The following ZNF536 variants were observed in gnomAD, a reference collection of about 807,000 sequenced individuals.
The protein encoded by ZNF536 is zinc finger protein 536.
In ZNF536, 13 loss-of-function variants were observed where a neutral mutation model predicts 84.5. That is an observed-to-expected ratio of 0.15 (90% CI 0.10 to 0.24). ZNF536 has a LOEUF of 0.24. Ranked by LOEUF, ZNF536 falls within the 10% of genes least tolerant of loss-of-function variation. ZNF536 has a pLI of 1.00. For synonymous variants in ZNF536, 811 were observed against 742.5 expected (o/e 1.09, Z -1.50); for missense variants, 1,536 against 1,747.5 (o/e 0.88, Z 2.16).
intron 1 of ZNF536, among the ~76,000 whole-genome samples, chr19:30,420,197 GAATT>G (rs2050894990): frequency 6.6e-6 from 1 of 152,184 alleles, no homozygotes; most frequent in Non-Finnish European, 1.5e-5. Context: ...GCACATTTAA[GAATT>G]AATTAAATCC....
intron 1 of ZNF536, among the ~76,000 whole-genome samples, chr19:30,434,981 CGTGGTGATGATGGTGATG>C (rs2051655259): frequency 1.7e-5 from 2 of 115,282 alleles, no homozygotes; most frequent in South Asian, 5.7e-4. Context: ...TGATGATGAT[CGTGGTGATGATGGTGATG>C]GTGGTGATGC....
At chr19:30,647,152 G>A (rs953501269) in intron 1 of ZNF536, among the ~76,000 whole-genome samples, 2 of 152,046 alleles carry the variant, frequency 1.3e-5, no homozygotes, top group African/African-American at 4.8e-5. Flanking sequence ...GTTTTGTTAC[G>A]TATGATCTCC....
upstream of ZNF536, among the ~76,000 whole-genome samples, chr19:30,371,740 G>A (rs2048619440): frequency 1.3e-5 from 2 of 151,292 alleles, no homozygotes; most frequent in Non-Finnish European, 1.5e-5. Flanking sequence ...GGCCCCAAAA[G>A]AGTCAAATTA....
At chr19:30,666,424 T>C (rs1268515147) in intron 1 of ZNF536, among the ~76,000 whole-genome samples, 1 of 152,022 alleles carries the variant, frequency 6.6e-6, no homozygotes, top group Non-Finnish European at 1.5e-5. Context: ...CCCTCCTCTC[T>C]TTTCTCCCCT....
At chr19:30,646,652 T>A (rs1179821483) in intron 1 of ZNF536, among the ~76,000 whole-genome samples, 2 of 152,214 alleles carry the variant, frequency 1.3e-5, no homozygotes, top group Non-Finnish European at 2.9e-5. Flanking sequence ...TGTTAATTAC[T>A]CAAGTGGCAA....
At chr19:30,620,748 C>A (rs1359129742) in intron 1 of ZNF536, among the ~76,000 whole-genome samples, 1 of 152,120 alleles carries the variant, frequency 6.6e-6, no homozygotes, top group African/African-American at 2.4e-5. Context: ...AGTTGCAAAC[C>A]TTTTGAATGA....
chr19:30,343,131 C>T (rs1568345770), intron 2 of ZNF536, among the ~76,000 whole-genome samples: 2 of 152,188 alleles, frequency 1.3e-5, no homozygotes. Context: ...ATGGTAGCAT[C>T]CTCCAAGCTT....
chr19:30,643,719 G>A (rs752377087), intron 1 of ZNF536, among the ~76,000 whole-genome samples: 18 of 152,106 alleles, frequency 1.2e-4, no homozygotes, highest in Non-Finnish European at 2.4e-4. Flanking sequence ...GAGTTTTCAC[G>A]TACATTGTAT....
chr19:30,606,349 T>C (rs1444567996), intron 1 of ZNF536, among the ~76,000 whole-genome samples: 2 of 151,164 alleles, frequency 1.3e-5, no homozygotes, highest in African/African-American at 2.4e-5. Context: ...CACACACACC[T>C]CTTAAGGCTT....
chr19:30,640,233 TG>T (rs1378665768), intron 1 of ZNF536, among the ~76,000 whole-genome samples: 5 of 1,930 alleles, frequency 2.6e-3, no homozygotes, highest in South Asian at 0.083. Flanking sequence ...GGCAACAGAG[TG>T]AGAGTGAGAC....
intron 1 of ZNF536, among the ~76,000 whole-genome samples, chr19:30,617,333 CTTTTTTTT>C (rs556835599): frequency 3.6e-3 from 137 of 37,686 alleles, no homozygotes; most frequent in Middle Eastern, 0.031. Flanking sequence ...GAATAGCTTA[CTTTTTTTT>C]TTTTTTTTTT....
intron 1 of ZNF536, among the ~76,000 whole-genome samples, chr19:30,387,741 C>G (rs751371548): frequency 9.2e-5 from 14 of 152,214 alleles, no homozygotes; most frequent in Non-Finnish European, 1.5e-4. Context: ...GGGGACCTGG[C>G]TGGAAGGCAG....
intron 1 of ZNF536, among the ~76,000 whole-genome samples, chr19:30,421,758 G>A (rs1195852364): frequency 1.3e-5 from 2 of 152,198 alleles, no homozygotes; most frequent in Non-Finnish European, 2.9e-5. Flanking sequence ...ATCTCCAGGA[G>A]AGAAGCCCCT....
intron 3 of ZNF536, among the ~76,000 whole-genome samples, chr19:30,535,311 A>T (rs1438553641): frequency 6.6e-6 from 1 of 152,146 alleles, no homozygotes; most frequent in East Asian, 1.9e-4. Context: ...GTATTGAAGG[A>T]GTCCCTCCCC....
chr19:30,636,002 G>A (rs1421042580), intron 1 of ZNF536, among the ~76,000 whole-genome samples: 1 of 152,218 alleles, frequency 6.6e-6, no homozygotes, highest in Non-Finnish European at 1.5e-5. Context: ...AGGTGCCAGT[G>A]GCTGCAACGT....
At chr19:30,267,658 C>T (rs909382828) in intron 1 of ZNF536, among the ~76,000 whole-genome samples, 1 of 152,150 alleles carries the variant, frequency 6.6e-6, no homozygotes, top group African/African-American at 2.4e-5. Context: ...GGTGCGGCTT[C>T]AGGCATCTCC....
chr19:30,461,687 G>A (rs758108000), intron 2 of ZNF536, among the ~76,000 whole-genome samples: 1 of 152,220 alleles, frequency 6.6e-6, no homozygotes, highest in Non-Finnish European at 1.5e-5. Context: ...AGCACAGCCT[G>A]ACTTGGGCTG....
At chr19:30,711,805 AAGT>A (rs1385335728) in exon 2 of ZNF536, 2 of 152,320 alleles carry the variant, frequency 1.3e-5, no homozygotes, top group East Asian at 3.9e-4. Flanking sequence ...TATTAAAAAA[AAGT>A]AGGGTACATT....
intron 1 of ZNF536, among the ~76,000 whole-genome samples, chr19:30,614,132 G>A (rs2048198990): frequency 6.6e-6 from 1 of 152,136 alleles, no homozygotes; most frequent in Non-Finnish European, 1.5e-5. Flanking sequence ...CAAAGTGCTG[G>A]GATTACAGAC....
Sources: allele counts gnomAD v4.1 joint callset (sites outside exome capture counted in the v4.1 genomes callset), GRCh38; gene constraint gnomAD v4.1.1; transcripts MANE v1.5; gene names NCBI Gene and HGNC (gene_info 2026-07-23, HGNC 2026-07-21).